Variants in PPL observed in about 807,000 individuals in gnomAD.
PPL encodes periplakin.
PPL carries 198 observed loss-of-function variants against 194.4 expected under a neutral mutation model. The observed-to-expected ratio is 1.02, with a 90% CI of 0.91 to 1.15. The LOEUF is 1.15. Among genes scored for constraint, PPL ranks in the 50% most tolerant of loss-of-function variants. The pLI is 0.00. For synonymous variants in PPL, 1,220 were observed against 972.4 expected, an observed-to-expected ratio of 1.25 and a Z score of -4.74; for missense variants, 2,885 against 2,294.8, an observed-to-expected ratio of 1.26 and a Z score of -5.25.
At chr16:4,911,029 G>C in intron 1 of PPL, 80 bp from the exon 2 acceptor site, 1 of 1,183,470 alleles carries the variant, frequency 8.4e-7, no homozygotes, top group South Asian at 1.3e-5. Context: ...CCATCCTCTG[G>C]CTGGCCCCGG....
intron 1 of PPL, among the ~76,000 whole-genome samples, chr16:4,918,329 C>T (rs4785976): frequency 0.93 from 140,745 of 151,112 alleles, 65,817 homozygotes; most frequent in East Asian, 0.99. Flanking sequence ...TTAGAAATGA[C>T]AGGGGTTTGT....
intron 9 of PPL, 132 bp downstream of exon 9, chr16:4,897,543 G>T: frequency 1.5e-6 from 1 of 655,674 alleles, no homozygotes. Context: ...TGGGTGCTGG[G>T]GGCCTGGGAT....
chr16:4,884,498 C>T lies in PPL; in HGVS notation c.4157G>A (p.Arg1386Gln), dbSNP rs764166906. The change falls in exon 22 of 22, where the codon CGG becomes CAG. Residue 1386 changes from arginine (R) to glutamine (Q), a missense_variant. By Grantham distance (43) the Arg-to-Gln change is conservative. Coordinates refer to ENST00000345988, the MANE Select transcript of PPL (RefSeq NM_002705.5). This position sits in a 1 kb window ranked among gnomAD's most constrained non-coding sequence, Gnocchi z 5.7. ...GCGCTGCAGCCGCCGCAGCTCTGCC[C>T]GCAGCTTGTCAATCTGCCGCAGCTC... ...DVELRQIDKL[R>Q]AELRRLQRRR... is the part of the protein sequence containing the mutation. The T allele has an allele frequency of 2.0e-5, 32 of 1,608,684 alleles. No homozygotes were observed. The highest frequency in any genetic ancestry group is 4.5e-5 in the East Asian group (2 of 44,866).
rs995533878 is a variant in PPL, at chr16:4,890,354, A to C, written c.2163-20T>G. ...TGCGCCCTGTCAAGGCAAAGCGTTC[A>C]GGCCTCAGCCACAGCAAACAGATGC... On this transcript the variant is annotated intron_variant, in intron 17 of 21. Transcript: ENST00000345988. The C allele has an allele frequency of 1.9e-6, 3 of 1,589,518 alleles. No homozygotes were observed. Among genetic ancestry groups the C allele is most frequent in the African/African-American group, 2.7e-5 (2 of 74,024 alleles).
At chr16:4,930,226 C>T (rs942177465) in intron 1 of PPL, among the ~76,000 whole-genome samples, 3 of 152,178 alleles carry the variant, frequency 2.0e-5, no homozygotes, top group Admixed American at 1.3e-4. Flanking sequence ...CGTGGAGGAC[C>T]TCTCCTGAAG....
rs2088260947 is a variant in PPL at position 4,888,858 on chromosome 16, G to T, written c.2397+120C>A. The T allele has an allele frequency of 4.2e-6, 4 of 946,434 alleles. No homozygotes were observed. In the Admixed American group the frequency reaches 5.3e-5, roughly 12 times the overall value. The allele number at this position is 946,434 out of a possible 1,614,324, so 58.6% of individuals were successfully genotyped here. A position where few individuals can be genotyped will look rare whatever the true frequency, so the allele number is the denominator to read the frequency against. The stretch of plus-strand genomic sequence containing the variant: ...GCCAGTTTGCACAGCAGCCGGCAGT[G>T]CCTCGGATGGCCAGCTCCACCCCCA... On this transcript the variant is annotated intron_variant, in intron 19 of 21. Transcript: ENST00000345988.
intron 1 of PPL, among the ~76,000 whole-genome samples, chr16:4,932,700 G>A (rs1208318319): frequency 6.6e-6 from 1 of 152,152 alleles, no homozygotes. Context: ...TTACAGGCGT[G>A]AGCTACCGCG....
At position 4,884,739 on chromosome 16, in the gene PPL, C is replaced by G. The variant is rs2088181668; in HGVS notation, c.3916G>C (p.Glu1306Gln). The G allele has an allele frequency of 6.2e-7, 1 of 1,614,202 alleles. No homozygotes were observed. Among genetic ancestry groups the G allele is most frequent in the Non-Finnish European group, 8.5e-7 (1 of 1,180,042 alleles). ...TTTGCCCTCAGAGACGCCACCTCCT[C>G]CTTGGTTTGAGGGTCTTCTTGGAAT... The part of the protein sequence containing the change: ...LQFQEDPQTK[E>Q]EVASLRAKLS... Residue 1306 changes from glutamate to glutamine, a missense_variant, in exon 22 of 22, where the codon GAG becomes CAG. By Grantham distance (29) the Glu-to-Gln change is conservative. Coordinates refer to ENST00000345988, the MANE Select transcript of PPL (RefSeq NM_002705.5). The surrounding 1 kb of genome is among the most constrained non-coding windows in gnomAD (Gnocchi z 5.7).
intron 18 of PPL, among the ~76,000 whole-genome samples, chr16:4,889,785 G>A (rs140477172): frequency 7.9e-5 from 12 of 152,294 alleles, no homozygotes; most frequent in African/African-American, 2.9e-4. Context: ...CCCGGGATTT[G>A]CATCTCAGCC....
intron 10 of PPL, 38 bp from the exon 11 acceptor site, chr16:4,895,445 C>G: frequency 1.2e-6 from 2 of 1,608,058 alleles, no homozygotes; most frequent in Non-Finnish European, 1.7e-6. Flanking sequence ...GTGAGACCAA[C>G]AGCCTTCCCC....
In PPL at chr16:4,882,908, A is replaced by G; in HGVS notation, c.*476T>C. 1.1e-5 allele frequency: 2 copies of G among 175,410 alleles called. No homozygotes were observed. Among genetic ancestry groups the G allele is most frequent in the Non-Finnish European group, 2.4e-5 (2 of 83,464 alleles). The allele number at this position is 175,410 out of a possible 1,614,324, so 10.9% of individuals were successfully genotyped here. ...CTACTGAGGAGGCTTCTCGGATGGA[A>G]AGTTGGTTTTAAGCCAGAAATCTGG... On this transcript the variant is annotated 3_prime_UTR_variant, in exon 22 of 22. Transcript: ENST00000345988.
chr16:4,933,145 G>A (rs910988342), intron 1 of PPL, among the ~76,000 whole-genome samples: 1 of 151,958 alleles, frequency 6.6e-6, no homozygotes, highest in South Asian at 2.1e-4. Flanking sequence ...GGGACTACAG[G>A]CACCCACCCC....
At chr16:4,901,941 A>AAAATAAATAAATAAATAAAT (rs61188714) in intron 4 of PPL, among the ~76,000 whole-genome samples, 1 of 81,836 alleles carries the variant, frequency 1.2e-5, no homozygotes, top group African/African-American at 3.0e-5. Flanking sequence ...CCTTGTCTCA[A>AAAATAAATAAATAAATAAAT]AAATAAATAA....
chr16:4,934,753 A>G (rs920371402), intron 1 of PPL, among the ~76,000 whole-genome samples: 2 of 151,986 alleles, frequency 1.3e-5, no homozygotes, highest in Non-Finnish European at 2.9e-5. Flanking sequence ...CCACCCCCCC[A>G]CCAAGACACT....
rs1214088587 is a variant in PPL at position 4,902,141 on chromosome 16, G to A, written c.438+265C>T. Among the ~76,000 whole-genome samples the A allele has an allele frequency of 2.6e-5, 4 of 152,158 alleles. No homozygotes were observed. Among genetic ancestry groups the A allele is most frequent in the African/African-American group, 9.7e-5 (4 of 41,442 alleles). ...CCAAGACCCCAACATGCCAGGGTTG[G>A]AAAGTGGGACCCAGGAGCAGCAGCG... On this transcript the variant is annotated intron_variant, in intron 4 of 21. Transcript: ENST00000345988. This position sits in a 1 kb window ranked among gnomAD's most constrained non-coding sequence, Gnocchi z 4.0.
rs2088145994 is a variant in PPL at position 4,883,663 on chromosome 16, G to A, written c.4992C>T (p.Asp1664=). ...CCTCCGGGGACAGCTCGCGGCCTGTGTCAGGGTGGATGACTACGATGGAGC... is the reference window on the plus strand; with the variant it reads ...CCTCCGGGGACAGCTCGCGGCCTGTATCAGGGTGGATGACTACGATGGAGC... The part of the protein sequence containing the change: ...LRRSIVVIHP[D]TGRELSPEEA... Residue 1664 remains aspartate, a synonymous_variant, in exon 22 of 22, where the codon GAC becomes GAT. Transcript: ENST00000345988. The surrounding 1 kb of genome is among the most constrained non-coding windows in gnomAD (Gnocchi z 4.8). The A allele has an allele frequency of 6.2e-7, 1 of 1,614,192 alleles. No individual in the cohort carries two copies. The highest frequency in any genetic ancestry group is 8.5e-7 in the Non-Finnish European group (1 of 1,180,024).
In PPL at chr16:4,893,580, G is replaced by C; in HGVS notation, c.1453C>G (p.Gln485Glu). Residue 485 changes from glutamine (Q) to glutamate (E), a missense_variant, in exon 13 of 22, where the codon CAG becomes GAG. Gln to Glu is a conservative substitution (Grantham distance 29). Transcript: ENST00000345988. ...QKAAGSKRTL[Q>E]QRYEVLKTEN... The stretch of plus-strand genomic sequence containing the variant: ...GTCTTCAGCACCTCATACCGCTGCT[G>C]CAGCGTGCGTTTGCTCCCAGCTGCC... 6.2e-7 allele frequency: 1 copy of C among 1,611,848 alleles called. No individual in the cohort carries two copies. Among genetic ancestry groups the C allele is most frequent in the Non-Finnish European group, 8.5e-7 (1 of 1,179,728 alleles).
Position 4,885,331 on chromosome 16 carries a change from G to A in PPL, c.3324C>T (p.Ala1108=), listed in dbSNP as rs757687203. The A allele has an allele frequency of 6.2e-6, 10 of 1,612,260 alleles. No homozygotes were observed. The highest frequency in any genetic ancestry group is 2.2e-5 in the East Asian group (1 of 44,784). The part of the protein sequence containing the change: ...LKRLEKERAM[A]EGKITVKEVL... ...CCTCCTTGACGGTGATCTTGCCCTC[G>A]GCCATGGCCCGCTCCTTCTCTAGCC... The change falls in exon 22 of 22, where the codon GCC becomes GCT. Residue 1108 remains alanine, a synonymous_variant. Transcript: ENST00000345988. The surrounding 1 kb of genome is among the most constrained non-coding windows in gnomAD (Gnocchi z 6.3).
intron 4 of PPL, 151 bp from the exon 5 acceptor site, chr16:4,901,240 A>T (rs1037551540): frequency 1.2e-6 from 1 of 824,810 alleles, no homozygotes; most frequent in Non-Finnish European, 1.9e-6. Context: ...CACACCTTCA[A>T]CCCTGAGGTT....
Sources: gnomAD v4.1 joint callset for allele counts (sites outside exome capture counted in the v4.1 genomes callset) on GRCh38, gnomAD v4.1.1 for gene constraint, Gnocchi (gnomAD v3.1) non-coding constraint, MANE v1.5 for transcripts, NCBI Gene and HGNC (gene_info 2026-07-23, HGNC 2026-07-21) for gene names.